The following ABI1 variants were observed in gnomAD, a reference collection of about 807,000 sequenced individuals.
ABI1 encodes the protein Abelson interactor 1.
A neutral mutation model predicts 54.6 loss-of-function variants in ABI1; 14 were observed. That is an observed-to-expected ratio of 0.26 (90% CI 0.17 to 0.40). The LOEUF (loss-of-function observed/expected upper bound fraction) is 0.40. ABI1 is among the 10% of genes least tolerant of loss of function. The probability of loss-of-function intolerance (pLI) is 1.00; values close to 1 mark genes in which losing one functional copy is unlikely to be tolerated. For synonymous variants in ABI1, 194 were observed against 209.3 expected (o/e 0.93, Z 0.63); for missense variants, 443 against 598.3 (o/e 0.74, Z 2.71).
At chr10:26,829,463 T>C (rs2048524861) in intron 1 of ABI1, among the ~76,000 whole-genome samples, 1 of 152,098 alleles carries the variant, frequency 6.6e-6, no homozygotes, top group Admixed American at 6.6e-5. Context: ...TGAGAGTAAA[T>C]TTTAAGGTTC....
At chr10:26,765,970 T>C (rs755626324) in intron 6 of ABI1, among the ~76,000 whole-genome samples, 26 of 152,216 alleles carry the variant, frequency 1.7e-4, no homozygotes, top group Admixed American at 7.8e-4. Flanking sequence ...AATGCAGTCA[T>C]GAACTACACC....
intron 2 of ABI1, among the ~76,000 whole-genome samples, chr10:26,785,476 C>T (rs1323597476): frequency 6.6e-6 from 1 of 152,122 alleles, no homozygotes; most frequent in Non-Finnish European, 1.5e-5. Flanking sequence ...AATCCCAGCA[C>T]TTTGGGAGGC....
At chr10:26,851,482 C>A (rs12269511) in intron 1 of ABI1, among the ~76,000 whole-genome samples, 38,768 of 150,548 alleles carry the variant, frequency 0.26, 5,650 homozygotes, top group South Asian at 0.44. Context: ...TGAGCCACTG[C>A]AGCTAGCTGA....
intron 2 of ABI1, among the ~76,000 whole-genome samples, chr10:26,811,115 A>G (rs1009202230): frequency 6.6e-6 from 1 of 152,186 alleles, no homozygotes; most frequent in African/African-American, 2.4e-5. Flanking sequence ...AACTAAGGTT[A>G]TAAGTAAGCT....
At chr10:26,808,259 G>T (rs1370467065) in intron 2 of ABI1, among the ~76,000 whole-genome samples, 4 of 152,094 alleles carry the variant, frequency 2.6e-5, no homozygotes, top group Non-Finnish European at 5.9e-5. Flanking sequence ...CATTTGATAG[G>T]AACTATTCTG....
intron 2 of ABI1, among the ~76,000 whole-genome samples, chr10:26,802,649 C>T (rs140446005): frequency 6.6e-6 from 1 of 152,038 alleles, no homozygotes; most frequent in Non-Finnish European, 1.5e-5. Context: ...TAGGAAGTAG[C>T]GCTAACAGCA....
intron 1 of ABI1, among the ~76,000 whole-genome samples, chr10:26,828,825 CATTA>C (rs1287445813): frequency 6.6e-6 from 1 of 152,308 alleles, no homozygotes; most frequent in East Asian, 1.9e-4. Flanking sequence ...TATAGCAAAT[CATTA>C]ATTATGTCAC....
chr10:26,755,389 T>G (rs1838171318), intron 9 of ABI1, among the ~76,000 whole-genome samples: 1 of 152,180 alleles, frequency 6.6e-6, no homozygotes, highest in African/African-American at 2.4e-5. Flanking sequence ...ATTCTTTCCT[T>G]AAGAATATGT....
At chr10:26,828,621 C>T (rs914454229) in intron 1 of ABI1, among the ~76,000 whole-genome samples, 7 of 152,040 alleles carry the variant, frequency 4.6e-5, no homozygotes, top group African/African-American at 1.7e-4. Context: ...CAATTAGTGG[C>T]CTAAACCAGA....
At chr10:26,818,667 GT>G (rs2133719245) in intron 2 of ABI1, among the ~76,000 whole-genome samples, 1 of 147,018 alleles carries the variant, frequency 6.8e-6, no homozygotes, top group Admixed American at 6.7e-5. Flanking sequence ...GCATTGTGGG[GT>G]TTAAAACATA....
intron 2 of ABI1, among the ~76,000 whole-genome samples, chr10:26,792,417 A>G (rs1297195170): frequency 6.6e-6 from 1 of 152,272 alleles, no homozygotes; most frequent in Non-Finnish European, 1.5e-5. Flanking sequence ...GAGAGTGGGG[A>G]AAAAGGTCAA....
At chr10:26,786,162 T>C (rs1173040999) in intron 2 of ABI1, among the ~76,000 whole-genome samples, 4 of 152,126 alleles carry the variant, frequency 2.6e-5, no homozygotes, top group Non-Finnish European at 5.9e-5. Context: ...ATACAATCAT[T>C]GATTCATTGA....
At chr10:26,822,819 G>C (rs558846294) in intron 2 of ABI1, among the ~76,000 whole-genome samples, 19 of 152,098 alleles carry the variant, frequency 1.2e-4, no homozygotes, top group Admixed American at 2.0e-4. Context: ...TAAAAATTCT[G>C]TTCTTTATGT....
At chr10:26,763,377 T>A (rs1257051048) in intron 7 of ABI1, among the ~76,000 whole-genome samples, 3 of 152,218 alleles carry the variant, frequency 2.0e-5, no homozygotes, top group Non-Finnish European at 4.4e-5. Flanking sequence ...AAATGCATTT[T>A]ATCGAGAAAA....
Position 26,783,989 on chromosome 10 carries a change from C to T in ABI1, c.286-6748G>A, listed in dbSNP as rs138752548. 3.4e-4 allele frequency among the ~76,000 whole-genome samples: 52 copies of T among 152,238 alleles called. No individual in the cohort carries two copies. The East Asian group carries it at 8.9e-3, about 26-fold the overall frequency. Reference sequence around the variant, plus strand: ...TAAAGCTAGCTACTGGAATGGGACACACTGATTTTGTGGCAGTCAAAGGGG... The same window carrying T: ...TAAAGCTAGCTACTGGAATGGGACATACTGATTTTGTGGCAGTCAAAGGGG... On this transcript the variant is annotated intron_variant, in intron 2 of 10. Transcript: ENST00000376140.
Position 26,747,252 on chromosome 10 carries a change from A to G in ABI1, c.*1318T>C. Reference sequence around the variant, plus strand: ...GTGCTCTACTTTAATATCCTAAGCAATAGAGAATTATACACAAGACAAGAA... The same window carrying G: ...GTGCTCTACTTTAATATCCTAAGCAGTAGAGAATTATACACAAGACAAGAA... On this transcript the variant is annotated 3_prime_UTR_variant, in exon 11 of 11. Transcript: ENST00000376140. 4.5e-6 allele frequency: 1 copy of G among 224,534 alleles called. No individual in the cohort carries two copies. Among genetic ancestry groups the G allele is most frequent in the Non-Finnish European group, 8.9e-6 (1 of 112,582 alleles). 13.9% of individuals were successfully genotyped at this position (224,534 alleles called of 1,614,324 possible). A position where few individuals can be genotyped will look rare whatever the true frequency, so the allele number is the denominator to read the frequency against.
chr10:26,831,027 G>T (rs1172377982), intron 1 of ABI1, among the ~76,000 whole-genome samples: 1 of 152,076 alleles, frequency 6.6e-6, no homozygotes, highest in Non-Finnish European at 1.5e-5. Context: ...CTCCTGAGTT[G>T]CTGGGACTGA....
At chr10:26,818,112 T>C (rs1477370686) in intron 2 of ABI1, among the ~76,000 whole-genome samples, 1 of 123,430 alleles carries the variant, frequency 8.1e-6, no homozygotes. Context: ...TGAGCCAAGA[T>C]GGTGCCACTG....
chr10:26,801,337 A>G (rs1278873906), intron 2 of ABI1, among the ~76,000 whole-genome samples: 2 of 152,034 alleles, frequency 1.3e-5, no homozygotes, highest in East Asian at 1.9e-4. Flanking sequence ...ACTTGAGCTC[A>G]CAAGTTTGAG....
Sources: gnomAD v4.1 joint callset for allele counts (sites outside exome capture counted in the v4.1 genomes callset) on GRCh38, gnomAD v4.1.1 for gene constraint, MANE v1.5 for transcripts, NCBI Gene and HGNC (gene_info 2026-07-23, HGNC 2026-07-21) for gene names.